The following IDE variants were observed in gnomAD, a reference collection of about 807,000 sequenced individuals.
The protein encoded by IDE is insulin-degrading enzyme.
In IDE, 58 loss-of-function variants were observed where a neutral mutation model predicts 133.2. That is an observed-to-expected ratio of 0.44 (90% CI 0.35 to 0.54). The LOEUF (loss-of-function observed/expected upper bound fraction) is 0.54. IDE is among the 20% of genes least tolerant of loss of function. The pLI is 0.00. For synonymous variants in IDE, 396 were observed against 421.3 expected, an observed-to-expected ratio of 0.94 and a Z score of 0.73; for missense variants, 981 against 1,234.0, an observed-to-expected ratio of 0.79 and a Z score of 3.07.
chr10:92,494,543 G>A (rs1847576813), intron 11 of IDE, among the ~76,000 whole-genome samples: 1 of 152,002 alleles, frequency 6.6e-6, no homozygotes, highest in African/African-American at 2.4e-5. Flanking sequence ...TGAGTTCAAG[G>A]CAAGCCTGGG....
intron 13 of IDE, among the ~76,000 whole-genome samples, chr10:92,486,071 C>T (rs946919162): frequency 3.3e-5 from 5 of 151,942 alleles, no homozygotes; most frequent in African/African-American, 4.8e-5. Context: ...AAAACGGGTC[C>T]GGCGTGGTGG....
At chr10:92,519,947 T>C (rs1849132309) in intron 4 of IDE, among the ~76,000 whole-genome samples, 1 of 152,112 alleles carries the variant, frequency 6.6e-6, no homozygotes, top group South Asian at 2.1e-4. Context: ...CTACTAAAAA[T>C]ACAAAAATTA....
At chr10:92,571,401 G>T (rs1257614901) in intron 1 of IDE, among the ~76,000 whole-genome samples, 1 of 152,126 alleles carries the variant, frequency 6.6e-6, no homozygotes, top group East Asian at 1.9e-4. Flanking sequence ...CTATTAAAAG[G>T]CATTTTTCTG....
intron 19 of IDE, among the ~76,000 whole-genome samples, 177 bp downstream of exon 19, chr10:92,468,702 C>T (rs1468422900): frequency 2.6e-5 from 4 of 152,150 alleles, no homozygotes; most frequent in African/African-American, 7.2e-5. Flanking sequence ...ACTTATTTGG[C>T]CCTCCTACCA....
At chr10:92,569,222 C>A (rs1010544003) in intron 1 of IDE, among the ~76,000 whole-genome samples, 6 of 142,666 alleles carry the variant, frequency 4.2e-5, no homozygotes, top group South Asian at 2.3e-4. Flanking sequence ...GTAAGTCTGA[C>A]TGGAGAAGAG....
chr10:92,539,828 C>T (rs553230794), intron 1 of IDE, among the ~76,000 whole-genome samples: 2 of 152,086 alleles, frequency 1.3e-5, no homozygotes, highest in South Asian at 2.1e-4. Flanking sequence ...TGGCAAAGAA[C>T]GATGAAAATA....
intron 4 of IDE, among the ~76,000 whole-genome samples, chr10:92,531,212 G>A (rs986415858): frequency 3.3e-5 from 5 of 152,102 alleles, no homozygotes; most frequent in Middle Eastern, 3.2e-3. Flanking sequence ...CAATTATAAA[G>A]TCAAGAGTCT....
chr10:92,529,335 C>T (rs1015918635), intron 4 of IDE, among the ~76,000 whole-genome samples: 3 of 152,164 alleles, frequency 2.0e-5, no homozygotes, highest in African/African-American at 2.4e-5. Context: ...AAAAATTCAA[C>T]GTAAGTTTAT....
chr10:92,534,523 T>G, intron 3 of IDE, 55 bp downstream of exon 3: 1 of 931,956 alleles, frequency 1.1e-6, no homozygotes, highest in Admixed American at 2.2e-5. Flanking sequence ...ATAATTATTA[T>G]TATTAATGTG....
chr10:92,532,711 A>G (rs574819969), intron 3 of IDE, among the ~76,000 whole-genome samples: 1 of 150,184 alleles, frequency 6.7e-6, no homozygotes, highest in Non-Finnish European at 1.5e-5. Context: ...AATTTAACTC[A>G]TGATTCCTGT....
At chr10:92,501,498 T>G (rs547696442) in intron 11 of IDE, among the ~76,000 whole-genome samples, 1 of 141,024 alleles carries the variant, frequency 7.1e-6, no homozygotes, top group African/African-American at 2.7e-5. Context: ...GGTGAAACCC[T>G]GTCTCTACTA....
chr10:92,478,566 G>A, intron 15 of IDE: 2 of 808,182 alleles, frequency 2.5e-6, no homozygotes, highest in South Asian at 8.1e-5. Context: ...GTTTAAAAAT[G>A]CGAAGTTAAT....
At chr10:92,455,337 A>G (rs1238329731) in intron 24 of IDE, among the ~76,000 whole-genome samples, 1 of 152,106 alleles carries the variant, frequency 6.6e-6, no homozygotes, top group Non-Finnish European at 1.5e-5. Context: ...CTAGCTGGGC[A>G]TGGTGGCGTG....
At chr10:92,530,763 AAT>A (rs1849880184) in intron 4 of IDE, among the ~76,000 whole-genome samples, 3 of 152,230 alleles carry the variant, frequency 2.0e-5, no homozygotes, top group Admixed American at 1.3e-4. Flanking sequence ...TAAAGAATAT[AAT>A]ATCACTGCTT....
In IDE at chr10:92,458,490, G is replaced by GTTTTTTTTTT. The variant is rs71028821; in HGVS notation, c.2824-2069_2824-2060dup. Among the ~76,000 whole-genome samples, 15 of 83,880 alleles carry GTTTTTTTTTT rather than the reference G, an allele frequency of 1.8e-4. 2 individuals are homozygous for GTTTTTTTTTT. Among genetic ancestry groups the GTTTTTTTTTT allele is most frequent in the East Asian group, 5.4e-4 (2 of 3,724 alleles). The allele number at this position is 83,880 out of a possible 152,430, so 55.0% of individuals were successfully genotyped here. ...AGGCCTGGTTATAAATACTCTCTCTGTTTTTTTTTTTTTTTTTTTTTTTTT... is the reference window on the plus strand; with the variant it reads ...AGGCCTGGTTATAAATACTCTCTCTGTTTTTTTTTTTTTTTTTTTTTTTTTTTTTTTTTTT... On this transcript the variant is annotated intron_variant, in intron 22 of 24. Transcript: ENST00000265986.
At chr10:92,562,273 G>A (rs1843317361) in intron 1 of IDE, among the ~76,000 whole-genome samples, 2 of 152,124 alleles carry the variant, frequency 1.3e-5, no homozygotes, top group Non-Finnish European at 1.5e-5. Context: ...TAAAATAAAA[G>A]CAACATCAAG....
intron 3 of IDE, 132 bp from the exon 4 acceptor site, chr10:92,532,049 C>A: frequency 1.9e-6 from 1 of 536,302 alleles, no homozygotes; most frequent in Non-Finnish European, 3.1e-6. Context: ...ACCATTGCTA[C>A]TAAGAAAAAA....
chr10:92,494,006 G>C (rs559072669), intron 11 of IDE, among the ~76,000 whole-genome samples: 4 of 152,052 alleles, frequency 2.6e-5, no homozygotes, highest in African/African-American at 9.7e-5. Context: ...ATACACAACC[G>C]CAGACAGTTG....
chr10:92,537,560 AAG>A lies in IDE; in HGVS notation c.99-12_99-11del, dbSNP rs750789169. On this transcript the variant is annotated splice_polypyrimidine_tract_variant and intron_variant, in intron 1 of 24. Coordinates refer to ENST00000265986, the MANE Select transcript of IDE (RefSeq NM_004969.4). ...AGTCTTTTTTTGGAAACTGAAAAGA[AAG>A]AGATTTTTAATTGTTGATTTGTGAC... 28 of 1,574,462 alleles carry A rather than the reference AAG, an allele frequency of 1.8e-5. No homozygotes were observed. Among genetic ancestry groups the A allele is most frequent in the South Asian group, 6.9e-5 (6 of 87,110 alleles).
Sources: gnomAD v4.1 joint callset for allele counts (sites outside exome capture counted in the v4.1 genomes callset) on GRCh38, gnomAD v4.1.1 for gene constraint, MANE v1.5 for transcripts, NCBI Gene and HGNC (gene_info 2026-07-23, HGNC 2026-07-21) for gene names.